MMP19: variants seen among roughly 807,000 people sequenced by gnomAD.
MMP19 encodes matrix metalloproteinase-19.
In MMP19, 47 loss-of-function variants were observed where a neutral mutation model predicts 46.6. The ratio of observed to expected loss-of-function variants is 1.01; its 90% confidence interval spans 0.80 to 1.29. The LOEUF (loss-of-function observed/expected upper bound fraction) is 1.29. Among genes scored for constraint, MMP19 ranks in the 50% most tolerant of loss-of-function variants. MMP19 has a pLI of 0.00. For synonymous variants in MMP19, 222 were observed against 248.5 expected, an observed-to-expected ratio of 0.89 and a Z score of 1.00; for missense variants, 589 against 643.5, an observed-to-expected ratio of 0.92 and a Z score of 0.92.
chr12:55,836,988 G>T lies in MMP19; in HGVS notation c.*48C>A. 3 of 1,476,528 alleles carry T rather than the reference G, an allele frequency of 2.0e-6. No individual in the cohort carries two copies. The highest frequency in any genetic ancestry group is 1.3e-5 in the South Asian group (1 of 75,252). The allele number at this position is 1,476,528 out of a possible 1,614,324, so 91.5% of individuals were successfully genotyped here. On this transcript the variant is annotated 3_prime_UTR_variant, in exon 9 of 9. Transcript: ENST00000322569. ...TGGGGGGGAAATGAAAGGGTGGGTG[G>T]TGGAGCCTCAGGGGTTAATGTCCAA...
intron 8 of MMP19, 68 bp downstream of exon 8, chr12:55,837,487 T>C: frequency 6.2e-7 from 1 of 1,601,284 alleles, no homozygotes. Flanking sequence ...AAGCGCAAGC[T>C]TTGCTTCTCA....
rs1229370188 is a variant in MMP19, at chr12:55,842,805, C to T, written c.26G>A (p.Gly9Asp). ...TGAGACTGTCATGGGGAGTAGGAAG[C>T]CCAGCCACAGCTGCTGGCAGTTCAT... MNCQQLWL[G>D]FLLPMTVSGR... Residue 9 changes from glycine to aspartate, a missense_variant, in exon 1 of 9, where the codon GGC becomes GAC. Transcript: ENST00000322569. 1.9e-6 allele frequency: 3 copies of T among 1,604,000 alleles called. No individual in the cohort carries two copies. The East Asian group carries it at 6.8e-5, about 36-fold the overall frequency.
At chr12:55,840,407 A>C in intron 4 of MMP19, among the ~76,000 whole-genome samples, 1 of 97,422 alleles carries the variant, frequency 1.0e-5, no homozygotes. Context: ...GAGAGAAGGA[A>C]GGGAGGGAGG....
Position 55,837,623 on chromosome 12 carries a change from T to C in MMP19, c.1120A>G (p.Asn374Asp). 2 of 1,614,210 alleles carry C rather than the reference T, an allele frequency of 1.2e-6. No homozygotes were observed. The highest frequency in any genetic ancestry group is 8.5e-7 in the Non-Finnish European group (1 of 1,180,026). The change falls in exon 8 of 9, where the codon AAT becomes GAT. Residue 374 changes from asparagine to aspartate, a missense_variant. Physicochemically the swap from Asn to Asp is conservative, Grantham distance 23. Coordinates refer to ENST00000322569, the MANE Select transcript of MMP19 (RefSeq NM_002429.6). ...KMSPGFPKKL[N>D]RVEPNLDAAL... Reference sequence around the variant, plus strand: ...GCATCCAGGTTAGGTTCTACCCTATTCAGCTTCTTGGGGAAGCCAGGAGAC... The same window carrying C: ...GCATCCAGGTTAGGTTCTACCCTATCCAGCTTCTTGGGGAAGCCAGGAGAC...
Position 55,839,728 on chromosome 12 carries a change from G to T in MMP19, c.534C>A (p.Ala178=). The change falls in exon 5 of 9, where the codon GCC becomes GCA. Residue 178 remains alanine (A), a synonymous_variant. Transcript: ENST00000322569. ...NTFDGPGRVL[A]HADIPELGSV... ...TGCCCAGCTCTGGGATGTCGGCATG[G>T]GCCAGGACTCTCCCTGGACAAAGGC... The T allele has an allele frequency of 6.2e-7, 1 of 1,611,932 alleles. No homozygotes were observed.
chr12:55,842,827 T>C lies in MMP19; in HGVS notation c.4A>G (p.Asn2Asp), dbSNP rs768884200. M[N>D]CQQLWLGFLL... ...AAGCCCAGCCACAGCTGCTGGCAGT[T>C]CATGGTCCCACCAGACGAGAGCTCC... The change falls in exon 1 of 9, where the codon AAC (asparagine) becomes GAC (aspartate). Residue 2 changes from asparagine to aspartate, a missense_variant. Physicochemically the swap from Asn to Asp is conservative, Grantham distance 23 (BLOSUM62 1). Transcript: ENST00000322569. 1.1e-5 allele frequency: 17 copies of C among 1,594,710 alleles called. No individual in the cohort carries two copies. In the Admixed American group the frequency reaches 1.2e-4, roughly 12 times the overall value.
At chr12:55,838,199 T>G (rs1881401571) in intron 6 of MMP19, 192 bp from the exon 7 acceptor site, 2 of 650,844 alleles carry the variant, frequency 3.1e-6, no homozygotes, top group Non-Finnish European at 5.1e-6. Context: ...GCTCAGAGCG[T>G]TTCAGCTTTG....
intron 1 of MMP19, 100 bp from the exon 2 acceptor site, chr12:55,842,538 A>G (rs1016667146): frequency 1.0e-6 from 1 of 983,134 alleles, no homozygotes; most frequent in Non-Finnish European, 1.6e-6. Context: ...GGGACCTGAT[A>G]TGGAAGCACT....
In MMP19 at chr12:55,839,625, C is replaced by A. The variant is rs1881534012; in HGVS notation, c.637G>T (p.Glu213Ter). Residue 213 changes from glutamate to a stop codon, truncating the protein, a stop_gained, in exon 5 of 9, where the codon GAA becomes TAA. Transcript: ENST00000322569. LOFTEE classifies it high-confidence loss of function. Reference protein sequence around the residue: ...GVNLRIIAAHEVGHALGLGHS... With the variant: ...GVNLRIIAAH The stretch of plus-strand genomic sequence containing the variant: ...CCAAGCCCCAGAGCATGGCCCACTT[C>A]ATGGGCTGCAATGATGCGCAGGTTC... 6.2e-7 allele frequency: 1 copy of A among 1,614,136 alleles called. No individual in the cohort carries two copies. Among genetic ancestry groups the A allele is most frequent in the Non-Finnish European group, 8.5e-7 (1 of 1,180,052 alleles).
At chr12:55,840,384 GGA>G (rs1286413318) in intron 4 of MMP19, among the ~76,000 whole-genome samples, 14 of 125,624 alleles carry the variant, frequency 1.1e-4, no homozygotes, top group South Asian at 3.2e-4. Context: ...AGGGAGGGAG[GGA>G]GAGAGAGAAG....
At chr12:55,838,404 G>GT in intron 6 of MMP19, 2 of 1,222,306 alleles carry the variant, frequency 1.6e-6, no homozygotes, top group East Asian at 4.7e-5. Context: ...GGCAGCCTTG[G>GT]TAAGTGCCTG....
At chr12:55,837,817 T>G in intron 7 of MMP19, 26 bp downstream of exon 7, 2 of 1,595,948 alleles carry the variant, frequency 1.3e-6, no homozygotes, top group Non-Finnish European at 1.7e-6. Flanking sequence ...CCTCCTCAAG[T>G]AAGACACTGT....
chr12:55,837,201 C>G lies in MMP19; in HGVS notation c.1362G>C (p.Gln454His), dbSNP rs769782930. The change falls in exon 9 of 9, where the codon CAG becomes CAC. Residue 454 changes from glutamine to histidine, a missense_variant. Gln to His is a conservative substitution (Grantham distance 24). Transcript: ENST00000322569. The part of the protein sequence containing the change: ...KGKVYWRLNQ[Q>H]LRVEKGYPRN... ...TGGGATAGCCTTTCTCTACTCGAAG[C>G]TGCTGGTTGAGGCGCCAGTAGACTT... 6.2e-7 allele frequency: 1 copy of G among 1,614,210 alleles called. No individual in the cohort carries two copies. The highest frequency in any genetic ancestry group is 8.5e-7 in the Non-Finnish European group (1 of 1,180,042).
In MMP19 at chr12:55,837,851, A is replaced by C; in HGVS notation, c.1052T>G (p.Phe351Cys). ...GTAACTAGCCTCCTTACCCTTAAAG[A>C]AGTGAATCCATTGTGTTCGAGGCGA... ...VYSPRTQWIH[F>C]FKGDKVWRYI... Residue 351 changes from phenylalanine to cysteine, a missense_variant, in exon 7 of 9, where the codon TTC (phenylalanine) becomes TGC (cysteine). Phe to Cys is a radical substitution (Grantham distance 205). Coordinates refer to ENST00000322569, the MANE Select transcript of MMP19 (RefSeq NM_002429.6). 1 of 1,604,964 alleles carries C rather than the reference A, an allele frequency of 6.2e-7. No individual in the cohort carries two copies.
In MMP19 at chr12:55,837,958, T is replaced by C. The variant is rs1881376846; in HGVS notation, c.945A>G (p.Val315=). Residue 315 remains valine (V), a synonymous_variant, in exon 7 of 9, where the codon GTA becomes GTG. Coordinates refer to ENST00000322569, the MANE Select transcript of MMP19 (RefSeq NM_002429.6). ...ACAAGGGGCCCGGTCCTGAATCTGA[T>C]ACAGTCCACACATAGTCCCCCTTGA... ...YAFKGDYVWT[V]SDSGPGPLFR... 22 of 1,610,960 alleles carry C rather than the reference T, an allele frequency of 1.4e-5. No individual in the cohort carries two copies. The highest frequency in any genetic ancestry group is 1.8e-5 in the Non-Finnish European group (21 of 1,177,458).
intron 5 of MMP19, 129 bp downstream of exon 5, chr12:55,839,367 C>G: frequency 8.5e-7 from 1 of 1,181,854 alleles, no homozygotes; most frequent in South Asian, 1.8e-5. Context: ...AATGAAGAAG[C>G]CTGAGTAACT....
Position 55,836,972 on chromosome 12 carries a change from A to G in MMP19, c.*64T>C. ...TTAGGCCTTAGGCTTCTGGGGGGGA[A>G]ATGAAAGGGTGGGTGGTGGAGCCTC... is the stretch of plus-strand genomic sequence containing the variant. On this transcript the variant is annotated 3_prime_UTR_variant, in exon 9 of 9. Transcript: ENST00000322569. 7.1e-7 allele frequency: 1 copy of G among 1,401,610 alleles called. No homozygotes were observed. The highest frequency in any genetic ancestry group is 9.7e-7 in the Non-Finnish European group (1 of 1,033,450). 86.8% of individuals were successfully genotyped at this position (1,401,610 alleles called of 1,614,324 possible).
In MMP19 at chr12:55,837,537, T is replaced by C. The variant is rs1881328013; in HGVS notation, c.1188+18A>G. On this transcript the variant is annotated intron_variant, in intron 8 of 8. Coordinates refer to ENST00000322569, the MANE Select transcript of MMP19 (RefSeq NM_002429.6). ...ACTCCTCCTAAGAAGGGATTTGCCCTTGCTTTGAACTTTATACCTTAAAGA... is the reference window on the plus strand; with the variant it reads ...ACTCCTCCTAAGAAGGGATTTGCCCCTGCTTTGAACTTTATACCTTAAAGA... The C allele has an allele frequency of 6.2e-7, 1 of 1,613,884 alleles. No individual in the cohort carries two copies. The highest frequency in any genetic ancestry group is 1.1e-5 in the South Asian group (1 of 91,082).
intron 3 of MMP19, 73 bp downstream of exon 3, chr12:55,841,033 G>T: frequency 6.3e-7 from 1 of 1,587,080 alleles, no homozygotes; most frequent in African/African-American, 1.3e-5. Flanking sequence ...GGTCCAGACT[G>T]TCCTAATGCC....
Sources: allele counts gnomAD v4.1 joint callset (sites outside exome capture counted in the v4.1 genomes callset), GRCh38; gene constraint gnomAD v4.1.1; transcripts MANE v1.5; gene names NCBI Gene and HGNC (gene_info 2026-07-23, HGNC 2026-07-21).